Variants in TBC1D32 observed in about 807,000 individuals in gnomAD.
TBC1D32 encodes TBC1 domain family member 32, also known as protein broad-minded.
In TBC1D32, 151 loss-of-function variants were observed where a neutral mutation model predicts 170.3. The observed-to-expected ratio is 0.89, with a 90% CI of 0.78 to 1.01. TBC1D32 has a LOEUF of 1.01. Ranked by LOEUF, TBC1D32 falls within the 50% of genes least tolerant of loss-of-function variation. The probability of loss-of-function intolerance (pLI) is 0.00; values close to 1 mark genes in which losing one functional copy is unlikely to be tolerated. For synonymous variants in TBC1D32, 498 were observed against 488.0 expected, an observed-to-expected ratio of 1.02 and a Z score of -0.27; for missense variants, 1,464 against 1,457.1, an observed-to-expected ratio of 1.00 and a Z score of -0.08.
intron 5 of TBC1D32, among the ~76,000 whole-genome samples, chr6:121,307,410 A>C (rs1807492576): frequency 6.6e-6 from 1 of 152,082 alleles, no homozygotes; most frequent in Non-Finnish European, 1.5e-5. Context: ...AAATACTAGG[A>C]TATTCCTTTA....
At chr6:121,284,277 C>T (rs1046348105) in intron 12 of TBC1D32, among the ~76,000 whole-genome samples, 1 of 152,018 alleles carries the variant, frequency 6.6e-6, no homozygotes, top group African/African-American at 2.4e-5. Context: ...CTTATCTACA[C>T]AAAACTGTAG....
chr6:121,217,390 G>A (rs1793966440), intron 21 of TBC1D32, among the ~76,000 whole-genome samples: 1 of 152,200 alleles, frequency 6.6e-6, no homozygotes, highest in African/African-American at 2.4e-5. Context: ...TGGATAAGGT[G>A]AGACATGGAA....
At chr6:121,218,663 A>G (rs557839155) in intron 21 of TBC1D32, among the ~76,000 whole-genome samples, 1 of 152,244 alleles carries the variant, frequency 6.6e-6, no homozygotes, top group South Asian at 2.1e-4. Flanking sequence ...CTTGATATAT[A>G]GATATATATA....
intron 25 of TBC1D32, among the ~76,000 whole-genome samples, chr6:121,127,723 T>G (rs1453285312): frequency 6.6e-6 from 1 of 152,144 alleles, no homozygotes; most frequent in Non-Finnish European, 1.5e-5. Flanking sequence ...AATGTCTTGA[T>G]GAAGTTCAGA....
chr6:121,172,181 C>T (rs919991753), intron 22 of TBC1D32, among the ~76,000 whole-genome samples: 2 of 152,110 alleles, frequency 1.3e-5, no homozygotes, highest in African/African-American at 4.8e-5. Context: ...TCCCCAGCCA[C>T]GTGGGAACTG....
At chr6:121,307,321 A>G (rs1807479648) in intron 5 of TBC1D32, among the ~76,000 whole-genome samples, 1 of 152,152 alleles carries the variant, frequency 6.6e-6, no homozygotes, top group African/African-American at 2.4e-5. Flanking sequence ...GGCTGAAGTG[A>G]GCTGTGATCA....
intron 31 of TBC1D32, among the ~76,000 whole-genome samples, chr6:121,086,568 T>C (rs1235629783): frequency 6.6e-6 from 1 of 152,172 alleles, no homozygotes; most frequent in African/African-American, 2.4e-5. Context: ...ACTGATTGAG[T>C]TGAAATTAAT....
chr6:121,116,746 A>G (rs1037270207), intron 26 of TBC1D32, among the ~76,000 whole-genome samples: 4 of 152,138 alleles, frequency 2.6e-5, no homozygotes, highest in African/African-American at 9.7e-5. Flanking sequence ...TGTCCAAAGG[A>G]ATTGGATGTG....
intron 2 of TBC1D32, among the ~76,000 whole-genome samples, chr6:121,320,655 A>C (rs1809582894): frequency 6.6e-6 from 1 of 152,148 alleles, no homozygotes; most frequent in African/African-American, 2.4e-5. Context: ...GAACTTGCTA[A>C]ATTTACTAAA....
intron 1 of TBC1D32, among the ~76,000 whole-genome samples, chr6:121,331,631 G>A (rs1264153195): frequency 2.0e-5 from 3 of 152,090 alleles, no homozygotes; most frequent in African/African-American, 7.2e-5. Context: ...GAGTAATTCT[G>A]AAATAAACAC....
At chr6:121,102,941 C>A (rs1582783743) in intron 30 of TBC1D32, among the ~76,000 whole-genome samples, 1 of 152,154 alleles carries the variant, frequency 6.6e-6, no homozygotes, top group Non-Finnish European at 1.5e-5. Context: ...ACAGACACTT[C>A]TCAAAAGAAG....
At chr6:121,114,914 A>G (rs935560748) in intron 27 of TBC1D32, among the ~76,000 whole-genome samples, 5 of 152,146 alleles carry the variant, frequency 3.3e-5, no homozygotes, top group Non-Finnish European at 5.9e-5. Flanking sequence ...TTATTTTTGT[A>G]AAAAACCTGA....
chr6:121,270,823 G>T (rs138320276), intron 15 of TBC1D32, among the ~76,000 whole-genome samples: 1 of 152,100 alleles, frequency 6.6e-6, no homozygotes, highest in South Asian at 2.1e-4. Flanking sequence ...GGGAATTTTA[G>T]ACCAATATTC....
At chr6:121,296,970 C>T (rs1805740551) in intron 10 of TBC1D32, among the ~76,000 whole-genome samples, 1 of 152,064 alleles carries the variant, frequency 6.6e-6, no homozygotes, top group South Asian at 2.1e-4. Context: ...ACCCTCCTTG[C>T]ATCCATTACT....
chr6:121,254,944 A>G (rs1798770818), intron 17 of TBC1D32, among the ~76,000 whole-genome samples: 5 of 151,988 alleles, frequency 3.3e-5, no homozygotes, highest in Non-Finnish European at 7.4e-5. Context: ...TACTCCCACC[A>G]CTTTTAGAAA....
intron 21 of TBC1D32, among the ~76,000 whole-genome samples, chr6:121,215,879 G>C (rs1159404303): frequency 2.6e-5 from 4 of 152,178 alleles, no homozygotes; most frequent in African/African-American, 9.7e-5. Flanking sequence ...GTGGAGAAAA[G>C]AGAACACTTA....
At position 121,128,983 on chromosome 6, in the gene TBC1D32, T is replaced by G. The variant is rs536659794; in HGVS notation, c.2900-2522A>C. Among the ~76,000 whole-genome samples the G allele has an allele frequency of 2.0e-5, 3 of 152,276 alleles. No homozygotes were observed. In the South Asian group the frequency reaches 6.2e-4, roughly 32 times the overall value. On this transcript the variant is annotated intron_variant, in intron 25 of 31. Coordinates refer to ENST00000398212, the MANE Select transcript of TBC1D32 (RefSeq NM_152730.6). ...GGCTGAAGGGAGCTGTCCTTCCCTGTATTTCACCATGTGAGGATGTAGTAA... is the reference window on the plus strand; with the variant it reads ...GGCTGAAGGGAGCTGTCCTTCCCTGGATTTCACCATGTGAGGATGTAGTAA...
chr6:121,228,647 T>C (rs1426367801), intron 20 of TBC1D32, among the ~76,000 whole-genome samples: 1 of 152,156 alleles, frequency 6.6e-6, no homozygotes, highest in Non-Finnish European at 1.5e-5. Flanking sequence ...TAAATTTATT[T>C]AGACTTGCAT....
chr6:121,303,617 C>A lies in TBC1D32; in HGVS notation c.1080G>T (p.Met360Ile). The A allele has an allele frequency of 1.3e-6, 2 of 1,532,542 alleles. No individual in the cohort carries two copies. The highest frequency in any genetic ancestry group is 2.6e-5 in the South Asian group (2 of 77,072). The allele number at this position is 1,532,542 out of a possible 1,614,324, so 94.9% of individuals were successfully genotyped here. ...DTKAVWFKKW[M>I]HAHYSRTTVL... ...ATAAAAATATTCTATTTTTCCTTAC[C>A]ATCCACTTTTTGAACCACACAGCCT... Residue 360 changes from methionine to isoleucine, a missense_variant and splice_region_variant, in exon 9 of 32, where the codon ATG becomes ATT. Met to Ile is a conservative substitution (Grantham distance 10). Around this residue, in one of 3 missense-constraint regions of TBC1D32, gnomAD observed 1,363 missense variants for 1,338.1 expected, o/e 1.02. Coordinates refer to ENST00000398212, the MANE Select transcript of TBC1D32 (RefSeq NM_152730.6).
Sources: gnomAD v4.1 joint callset for allele counts (sites outside exome capture counted in the v4.1 genomes callset) on GRCh38, gnomAD v4.1.1 for gene constraint, gnomAD v4.1.1 regional missense constraint, MANE v1.5 for transcripts, NCBI Gene and HGNC (gene_info 2026-07-23, HGNC 2026-07-21) for gene names.